MAPK10: variants seen among roughly 807,000 people sequenced by gnomAD.
MAPK10 encodes JNK3 alpha protein kinase.
In MAPK10, 25 loss-of-function variants were observed where a neutral mutation model predicts 59.3. The observed-to-expected ratio is 0.42, with a 90% confidence interval of 0.31 to 0.59. The LOEUF (loss-of-function observed/expected upper bound fraction) is 0.59, where lower values mean the gene tolerates loss of function less well. Among genes scored for constraint, MAPK10 ranks in the 20% least tolerant of loss-of-function variants. The pLI is 0.15. For missense variants in MAPK10, 351 were observed against 568.9 expected, an observed-to-expected ratio of 0.62 and a Z score of 3.90; for synonymous variants, 190 against 200.5, an observed-to-expected ratio of 0.95 and a Z score of 0.44.
chr4:86,094,612 A>C (rs556873037), intron 9 of MAPK10, among the ~76,000 whole-genome samples: 12 of 152,046 alleles, frequency 7.9e-5, no homozygotes, highest in African/African-American at 2.9e-4. Flanking sequence ...GACTCATGAA[A>C]ATTATACTGG....
rs575541729 is a variant in MAPK10, at chr4:86,242,875, G to A, written c.-6-48468C>T. On this transcript the variant is annotated intron_variant, in intron 2 of 13. Coordinates refer to ENST00000641462, the MANE Select transcript of MAPK10 (RefSeq NM_138982.4). ...GGTGCTGGATGCCCCTCCCCCGGAAGTTCGATAGGCTTAAGCAGATTCTAG... is the reference window on the plus strand; with the variant it reads ...GGTGCTGGATGCCCCTCCCCCGGAAATTCGATAGGCTTAAGCAGATTCTAG... Among the ~76,000 whole-genome samples the A allele has an allele frequency of 2.0e-5, 3 of 152,248 alleles. No homozygotes were observed. In the East Asian group the frequency reaches 5.8e-4, roughly 30 times the overall value.
At chr4:86,327,774 T>C (rs947993749) in intron 2 of MAPK10, 3 of 35,574 alleles carry the variant, frequency 8.4e-5, no homozygotes, top group Admixed American at 3.5e-4. Context: ...ACCCCATCTC[T>C]ACTAAAAATA....
intron 1 of MAPK10, among the ~76,000 whole-genome samples, chr4:86,510,890 G>C (rs1324223169): frequency 6.6e-6 from 1 of 152,256 alleles, no homozygotes; most frequent in Non-Finnish European, 1.5e-5. Context: ...AAGAAAAGTG[G>C]GGAGGGAGGC....
At chr4:86,104,685 T>C (rs1238620834) in intron 5 of MAPK10, among the ~76,000 whole-genome samples, 1 of 152,136 alleles carries the variant, frequency 6.6e-6, no homozygotes, top group Non-Finnish European at 1.5e-5. Context: ...AGTGAACAAA[T>C]AATCTAGATA....
chr4:86,382,831 C>T (rs960133722), intron 1 of MAPK10, among the ~76,000 whole-genome samples: 8 of 152,276 alleles, frequency 5.3e-5, no homozygotes, highest in East Asian at 3.9e-4. Context: ...TTTAGTTCAA[C>T]GTGACAGGCA....
In MAPK10 at chr4:86,083,381, G is replaced by C. The variant is rs12643642; in HGVS notation, c.802+15143C>G. On this transcript the variant is annotated intron_variant, in intron 9 of 13. Transcript: ENST00000641462. ...CAGCAACAATTCCGTGTGCTGGGGA[G>C]AGGGAGAGCATAGCATTTGTGAGGA... is the stretch of plus-strand genomic sequence containing the variant. Among the ~76,000 whole-genome samples, 657 of 152,284 alleles carry C rather than the reference G, an allele frequency of 4.3e-3. 30 individuals carry two copies. In the East Asian group the frequency reaches 0.1, roughly 24 times the overall value.
intron 2 of MAPK10, among the ~76,000 whole-genome samples, chr4:86,199,906 T>A (rs1037543729): frequency 6.6e-6 from 1 of 151,950 alleles, no homozygotes; most frequent in Non-Finnish European, 1.5e-5. Flanking sequence ...ATGCTGAGGT[T>A]TGTAAAGCAG....
At position 86,394,713 on chromosome 4, in the gene MAPK10, C is replaced by T. The variant is rs79686885; in HGVS notation, c.-121-40069G>A. 4.7e-3 allele frequency among the ~76,000 whole-genome samples: 715 copies of T among 152,226 alleles called. 8 individuals carry two copies. Among genetic ancestry groups the T allele is most frequent in the African/African-American group, 0.016 (667 of 41,516 alleles). ...CATAAATGACAGACATTTTAGCATG[C>T]TTTCTATCTTGAGTAGGATCTCATT... On this transcript the variant is annotated intron_variant, in intron 1 of 13. Transcript: ENST00000361569.
At chr4:86,122,089 T>C (rs1030075700) in intron 4 of MAPK10, among the ~76,000 whole-genome samples, 1 of 152,002 alleles carries the variant, frequency 6.6e-6, no homozygotes, top group African/African-American at 2.4e-5. Context: ...GAAAAATGGG[T>C]GGCTTTAAAC....
chr4:86,129,712 T>C lies in MAPK10; in HGVS notation c.237-22360A>G, dbSNP rs370628819. On this transcript the variant is annotated intron_variant, in intron 4 of 13. Coordinates refer to ENST00000641462, the MANE Select transcript of MAPK10 (RefSeq NM_138982.4). ...TTGGTGTCATTAGCAGCCAGTTTACTGACCCCAAATGGATTTCCTGACCAG... is the reference window on the plus strand; with the variant it reads ...TTGGTGTCATTAGCAGCCAGTTTACCGACCCCAAATGGATTTCCTGACCAG... Among the ~76,000 whole-genome samples, 4 of 152,196 alleles carry C rather than the reference T, an allele frequency of 2.6e-5. No homozygotes were observed. In the East Asian group the frequency reaches 7.7e-4, roughly 29 times the overall value.
intron 7 of MAPK10, 132 bp downstream of exon 7, chr4:86,101,762 T>G: frequency 3.6e-6 from 3 of 841,188 alleles, no homozygotes; most frequent in Middle Eastern, 2.5e-4. Flanking sequence ...GTGAACTAGG[T>G]GCTAATTCTA....
chr4:86,448,287 A>T (rs1473509490), intron 1 of MAPK10, among the ~76,000 whole-genome samples: 1 of 151,388 alleles, frequency 6.6e-6, no homozygotes, highest in Non-Finnish European at 1.5e-5. Flanking sequence ...TGCCTAGCAA[A>T]TCCTCCCTAA....
At chr4:86,065,296 T>C (rs1054850210) in intron 10 of MAPK10, 2 of 152,216 alleles carry the variant, frequency 1.3e-5, no homozygotes, top group Non-Finnish European at 2.9e-5. Context: ...TATTTTAACA[T>C]TCTGTAATCA....
At chr4:86,079,972 C>A (rs1261156220) in intron 9 of MAPK10, 1 of 152,046 alleles carries the variant, frequency 6.6e-6, no homozygotes, top group Non-Finnish European at 1.5e-5. Context: ...GCTATTATCA[C>A]CTTCTTCTAG....
intron 9 of MAPK10, chr4:86,089,192 G>A: frequency 6.2e-7 from 1 of 1,602,274 alleles, no homozygotes; most frequent in Non-Finnish European, 8.5e-7. Flanking sequence ...ACCACTGGCT[G>A]CTAAGAAGGA....
At chr4:86,179,364 A>T (rs1339151350) in intron 3 of MAPK10, among the ~76,000 whole-genome samples, 1 of 152,146 alleles carries the variant, frequency 6.6e-6, no homozygotes, top group Non-Finnish European at 1.5e-5. Context: ...TAAAAAGGAT[A>T]CAAATGAAAA....
intron 1 of MAPK10, among the ~76,000 whole-genome samples, chr4:86,552,443 A>C (rs1759875506): frequency 1.2e-5 from 1 of 86,702 alleles, no homozygotes. Flanking sequence ...GAAGGAAGGA[A>C]GGAAGGAAGG....
At chr4:86,532,914 A>T (rs2149092088) in intron 1 of MAPK10, among the ~76,000 whole-genome samples, 1 of 152,074 alleles carries the variant, frequency 6.6e-6, no homozygotes, top group African/African-American at 2.4e-5. Flanking sequence ...CAGTTAAGGG[A>T]TTGGGGCCTT....
intron 3 of MAPK10, chr4:86,192,418 T>C (rs533575536): frequency 2.0e-5 from 3 of 152,272 alleles, no homozygotes; most frequent in African/African-American, 7.2e-5. Flanking sequence ...CAATCAAACA[T>C]AGGTTTGGTC....
Sources: allele counts gnomAD v4.1 joint callset (sites outside exome capture counted in the v4.1 genomes callset), GRCh38; gene constraint gnomAD v4.1.1; transcripts MANE v1.5; gene names NCBI Gene and HGNC (gene_info 2026-07-23, HGNC 2026-07-21).